Variants in VIT observed in about 807,000 individuals in gnomAD.
VIT encodes vitrin.
Under a neutral mutation model 78.0 loss-of-function variants are expected in VIT, and 99 were observed. The observed-to-expected ratio is 1.27, with a 90% CI of 1.08 to 1.50. VIT has a LOEUF of 1.50. VIT is among the 40% of genes most tolerant of loss of function. The probability of loss-of-function intolerance (pLI) is 0.00; values close to 1 mark genes in which losing one functional copy is unlikely to be tolerated. For synonymous variants in VIT, 374 were observed against 334.3 expected (o/e 1.12, Z -1.29); for missense variants, 1,126 against 875.3 (o/e 1.29, Z -3.61).
intron 3 of VIT, among the ~76,000 whole-genome samples, chr2:36,742,774 T>C (rs1199680805): frequency 2.0e-5 from 3 of 152,236 alleles, no homozygotes; most frequent in Non-Finnish European, 4.4e-5. Context: ...TCTCCTGCCA[T>C]TGACTCAAGA....
chr2:36,808,641 G>C lies in VIT; in HGVS notation c.1559G>C (p.Ser520Thr). The change falls in exon 15 of 16, where the codon AGT becomes ACT. Residue 520 changes from serine to threonine, a missense_variant. Ser to Thr is a moderately conservative substitution (Grantham distance 58, BLOSUM62 1). Transcript: ENST00000379242. ...GGCTTCGTCATCGACGGCTCCAGCA[G>C]TGTGGGGACGGGCAACTTCCGCACC... ...DIGFVIDGSS[S>T]VGTGNFRTVL... 6.2e-7 allele frequency: 1 copy of C among 1,614,240 alleles called. No homozygotes were observed.
intron 2 of VIT, among the ~76,000 whole-genome samples, chr2:36,728,366 G>A (rs1666982252): frequency 6.6e-6 from 1 of 151,950 alleles, no homozygotes; most frequent in African/African-American, 2.4e-5. Flanking sequence ...AAAAGCTTAT[G>A]GAATAAGGAT....
At chr2:36,740,827 T>C (rs925870351) in intron 3 of VIT, among the ~76,000 whole-genome samples, 1 of 152,250 alleles carries the variant, frequency 6.6e-6, no homozygotes, top group Non-Finnish European at 1.5e-5. Context: ...TTTAAACCAA[T>C]TATTTCATGG....
At chr2:36,703,884 AGGTTTTTTTGTTTGTTTGTTTGG>A (rs916140042) in intron 1 of VIT, among the ~76,000 whole-genome samples, 1 of 149,078 alleles carries the variant, frequency 6.7e-6, no homozygotes, top group African/African-American at 2.5e-5. Flanking sequence ...AAGCTTGGGC[AGGTTTTTTTGTTTGTTTGTTTGG>A]GGTTTTTTTT....
At chr2:36,805,763 A>G (rs1046785691) in intron 14 of VIT, 99 bp downstream of exon 14, 1 of 1,305,314 alleles carries the variant, frequency 7.7e-7, no homozygotes, top group Non-Finnish European at 1.1e-6. Flanking sequence ...TTAAATGTGC[A>G]TGAAGCTCAT....
At chr2:36,711,702 A>G (rs1015631472) in intron 1 of VIT, among the ~76,000 whole-genome samples, 8 of 152,238 alleles carry the variant, frequency 5.3e-5, no homozygotes, top group Admixed American at 3.9e-4. Flanking sequence ...AGACAACTCT[A>G]GAAATGCACA....
At chr2:36,714,539 G>C (rs2148444242) in intron 1 of VIT, among the ~76,000 whole-genome samples, 1 of 152,318 alleles carries the variant, frequency 6.6e-6, no homozygotes, top group South Asian at 2.1e-4. Flanking sequence ...TGGCACTGGA[G>C]GGAGGGGGGA....
intron 14 of VIT, 59 bp downstream of exon 14, chr2:36,805,723 T>C: frequency 6.5e-7 from 1 of 1,546,474 alleles, no homozygotes; most frequent in Non-Finnish European, 8.8e-7. Flanking sequence ...TGAAAAATTG[T>C]AACGCCGTTG....
intron 1 of VIT, among the ~76,000 whole-genome samples, chr2:36,712,701 T>G (rs1041483511): frequency 1.3e-5 from 2 of 152,012 alleles, no homozygotes; most frequent in Non-Finnish European, 1.5e-5. Context: ...CCAGGTATGG[T>G]GGCAGGCGCC....
Position 36,767,229 on chromosome 2 carries a change from C to A in VIT, c.623C>A (p.Ala208Asp), listed in dbSNP as rs772071883. 4 of 1,603,482 alleles carry A rather than the reference C, an allele frequency of 2.5e-6. No homozygotes were observed. The highest frequency in any genetic ancestry group is 3.4e-5 in the Admixed American group (2 of 57,982). ...TTGCCAAGGCCATCCCCTTCTGCTG[C>A]TTCTACCACCAGCATCCCCAGACCA... ...TTLPRPSPSAASTTSIPRPQS... is the reference protein window; with the variant it reads ...TTLPRPSPSADSTTSIPRPQS... The change falls in exon 7 of 16, where the codon GCT (alanine) becomes GAT (aspartate). Residue 208 changes from alanine (A) to aspartate (D), a missense_variant. Transcript: ENST00000379242.
chr2:36,699,150 C>T (rs979225338), intron 1 of VIT, among the ~76,000 whole-genome samples: 15 of 152,040 alleles, frequency 9.9e-5, no homozygotes, highest in African/African-American at 3.4e-4. Context: ...GCAGTGGGGA[C>T]AAGACAGAAC....
intron 9 of VIT, among the ~76,000 whole-genome samples, chr2:36,780,075 A>G (rs1453047656): frequency 6.6e-6 from 1 of 152,210 alleles, no homozygotes; most frequent in African/African-American, 2.4e-5. Flanking sequence ...ACTTCTCATT[A>G]CTACTGAGTC....
chr2:36,789,253 C>T (rs1046153742), intron 12 of VIT, among the ~76,000 whole-genome samples: 14 of 152,296 alleles, frequency 9.2e-5, no homozygotes, highest in African/African-American at 3.1e-4. Context: ...AGTCACTTAA[C>T]CTCTCCTTGT....
chr2:36,795,111 C>G (rs953941462), intron 12 of VIT, among the ~76,000 whole-genome samples: 5 of 152,152 alleles, frequency 3.3e-5, no homozygotes, highest in African/African-American at 1.2e-4. Flanking sequence ...GGATTGGAAG[C>G]TAGGAGAAAG....
At chr2:36,797,099 ATT>A (rs34401995) in intron 12 of VIT, among the ~76,000 whole-genome samples, 138 of 142,390 alleles carry the variant, frequency 9.7e-4, no homozygotes, top group East Asian at 1.6e-3. Flanking sequence ...GTTTCAACCA[ATT>A]TTTTTTTTTT....
At chr2:36,703,459 G>A (rs1398718737) in intron 1 of VIT, among the ~76,000 whole-genome samples, 3 of 150,678 alleles carry the variant, frequency 2.0e-5, no homozygotes, top group African/African-American at 7.3e-5. Context: ...CCAAAACTAA[G>A]ACCAAAGGAT....
At chr2:36,798,091 G>C (rs1666039552) in intron 12 of VIT, among the ~76,000 whole-genome samples, 1 of 152,190 alleles carries the variant, frequency 6.6e-6, no homozygotes, top group South Asian at 2.1e-4. Context: ...GAGTGAAAGA[G>C]AGAATAAGAA....
chr2:36,804,659 A>G (rs1666575147), intron 13 of VIT, among the ~76,000 whole-genome samples: 1 of 152,118 alleles, frequency 6.6e-6, no homozygotes, highest in Non-Finnish European at 1.5e-5. Context: ...GTGAAACCCC[A>G]TCTCTACTAA....
chr2:36,775,130 C>G, intron 9 of VIT, 63 bp downstream of exon 9: 1 of 1,583,610 alleles, frequency 6.3e-7, no homozygotes. Flanking sequence ...ACTTTGCAAA[C>G]ATGAGGACCT....
Sources: allele counts gnomAD v4.1 joint callset (sites outside exome capture counted in the v4.1 genomes callset), GRCh38; gene constraint gnomAD v4.1.1; transcripts MANE v1.5; gene names NCBI Gene and HGNC (gene_info 2026-07-23, HGNC 2026-07-21).